Variants in MYO15A observed in about 807,000 individuals in gnomAD.
MYO15A encodes the protein unconventional myosin-XV.
A neutral mutation model predicts 394.6 loss-of-function variants in MYO15A; 308 were observed. That is an observed-to-expected ratio of 0.78 (90% CI 0.71 to 0.86). The LOEUF (loss-of-function observed/expected upper bound fraction) is 0.86. MYO15A is among the 40% of genes least tolerant of loss of function. MYO15A has a pLI of 0.00. For synonymous variants in MYO15A, 1,957 were observed against 2,003.8 expected, an observed-to-expected ratio of 0.98 and a Z score of 0.62; for missense variants, 4,606 against 4,799.1, an observed-to-expected ratio of 0.96 and a Z score of 1.19.
intron 60 of MYO15A, 69 bp downstream of exon 60, chr17:18,163,907 T>A (rs1276972151): frequency 1.3e-6 from 2 of 1,516,034 alleles, no homozygotes; most frequent in Non-Finnish European, 9.0e-7. Context: ...TGTGGGGCCC[T>A]CCACCCAGAT....
At position 18,156,203 on chromosome 17, in the gene MYO15A, A is replaced by G. The variant is rs1567656760; in HGVS notation, c.8468A>G (p.Asp2823Gly). 3.7e-6 allele frequency: 6 copies of G among 1,614,088 alleles called. No homozygotes were observed. Among genetic ancestry groups the G allele is most frequent in the African/African-American group, 1.3e-5 (1 of 75,022 alleles). The change falls in exon 48 of 66, where the codon GAT (aspartate) becomes GGT (glycine). Residue 2823 changes from aspartate (D) to glycine (G), a missense_variant. Around this residue, in one of 2 missense-constraint regions of MYO15A, gnomAD observed 2,776 missense variants for 3,109.3 expected, o/e 0.89. Transcript: ENST00000647165. ...ACCGGCCCATCCTCCAGCTTTGCAG[A>G]TATCCTGTTTGTGACCATGCCCTCC... ...LRVLRAYSFA[D>G]ILFVTMPSQN... is the part of the protein sequence containing the mutation.
chr17:18,137,310 G>A (rs1027944458), intron 15 of MYO15A, among the ~76,000 whole-genome samples: 1 of 152,216 alleles, frequency 6.6e-6, no homozygotes, highest in Admixed American at 6.5e-5. Flanking sequence ...CTGAGGCATG[G>A]GGCTGTTATT....
intron 62 of MYO15A, among the ~76,000 whole-genome samples, chr17:18,171,356 A>T (rs1453297791): frequency 6.6e-6 from 1 of 152,066 alleles, no homozygotes; most frequent in Non-Finnish European, 1.5e-5. Context: ...CCGCTAACTC[A>T]CTCAGTCACT....
In MYO15A at chr17:18,121,794, T is replaced by C; in HGVS notation, c.2994T>C (p.Pro998=). 6.2e-6 allele frequency: 10 copies of C among 1,612,640 alleles called. No individual in the cohort carries two copies. The highest frequency in any genetic ancestry group is 8.5e-6 in the Non-Finnish European group (10 of 1,179,870). ...VFLGRHHEPG[P]GQLTKSAGPT... ...TGGGCAGACACCATGAGCCGGGGCC[T>C]GGACAGCTCACCAAATCAGCTGGCC... Residue 998 remains proline, a synonymous_variant, in exon 2 of 66, where the codon CCT becomes CCC. Transcript: ENST00000647165. The surrounding 1 kb of genome is among the most constrained non-coding windows in gnomAD (Gnocchi z 5.3).
Position 18,119,139 on chromosome 17 carries a change from C to T in MYO15A, c.339C>T (p.Gly113=), listed in dbSNP as rs1474832309. ...CCTTCATGGTGATCCGCTTCCCAGG[C>T]CGCCGTGGCTACGGCCGCCTGCGGC... ...KPSFMVIRFP[G]RRGYGRLRPR... The change falls in exon 2 of 66, where the codon GGC becomes GGT. Residue 113 remains glycine, a synonymous_variant. Coordinates refer to ENST00000647165, the MANE Select transcript of MYO15A (RefSeq NM_016239.4). The T allele has an allele frequency of 6.2e-7, 1 of 1,612,048 alleles. No individual in the cohort carries two copies. Among genetic ancestry groups the T allele is most frequent in the Non-Finnish European group, 8.5e-7 (1 of 1,179,648 alleles).
chr17:18,168,347 T>C (rs2046886154), intron 62 of MYO15A, among the ~76,000 whole-genome samples: 3 of 151,618 alleles, frequency 2.0e-5, no homozygotes. Context: ...GAGCGGATCA[T>C]GAGGTCAGGA....
At chr17:18,127,289 G>T in intron 7 of MYO15A, 124 bp downstream of exon 7, 1 of 1,226,084 alleles carries the variant, frequency 8.2e-7, no homozygotes, top group East Asian at 2.5e-5. Flanking sequence ...GTTCCAGAAG[G>T]GGGCCTTGCC....
At chr17:18,139,483 A>G (rs1000675399) in intron 18 of MYO15A, 51 bp from the exon 19 acceptor site, 5 of 1,571,524 alleles carry the variant, frequency 3.2e-6, no homozygotes. Flanking sequence ...CTCCTAGGAT[A>G]GACAGAGAGA....
At position 18,157,212 on chromosome 17, in the gene MYO15A, C is replaced by G; in HGVS notation, c.8770C>G (p.Arg2924Gly). 6.2e-7 allele frequency: 1 copy of G among 1,607,902 alleles called. No homozygotes were observed. Among genetic ancestry groups the G allele is most frequent in the Non-Finnish European group, 8.5e-7 (1 of 1,177,140 alleles). ...RKVVYLEELR[R>G]RGPDFGWRFG... ...GGTGGTGTACCTGGAGGAGCTGCGACGTAGAGGCCCCGACTTTGGTGTGTG... is the reference window on the plus strand; with the variant it reads ...GGTGGTGTACCTGGAGGAGCTGCGAGGTAGAGGCCCCGACTTTGGTGTGTG... Residue 2924 changes from arginine (R) to glycine (G), a missense_variant, in exon 50 of 66, where the codon CGT (arginine) becomes GGT (glycine). This residue lies in a region of MYO15A where 2,776 missense variants were observed against 3,109.3 expected (regional missense o/e 0.89). Coordinates refer to ENST00000647165, the MANE Select transcript of MYO15A (RefSeq NM_016239.4).
chr17:18,149,284 C>T lies in MYO15A; in HGVS notation c.7025C>T (p.Pro2342Leu). Residue 2342 changes from proline to leucine, a missense_variant, in exon 34 of 66, where the codon CCC (proline) becomes CTC (leucine). Pro to Leu is a moderately conservative substitution (Grantham distance 98). Around this residue, in one of 2 missense-constraint regions of MYO15A, gnomAD observed 2,776 missense variants for 3,109.3 expected, o/e 0.89. Coordinates refer to ENST00000647165, the MANE Select transcript of MYO15A (RefSeq NM_016239.4). ...AGACCCCAGCCCCAGGAGCACATGC[C>T]CAAAGTACTTGACTCTGATGGGTAC... ...STRPQPQEHMPKVLDSDGYSS... is the reference protein window; with the variant it reads ...STRPQPQEHMLKVLDSDGYSS... 6.2e-7 allele frequency: 1 copy of T among 1,613,866 alleles called. No individual in the cohort carries two copies. Among genetic ancestry groups the T allele is most frequent in the Non-Finnish European group, 8.5e-7 (1 of 1,179,922 alleles).
chr17:18,157,960 A>G, intron 51 of MYO15A, 60 bp downstream of exon 51: 1 of 1,442,362 alleles, frequency 6.9e-7, no homozygotes, highest in Non-Finnish European at 9.1e-7. Flanking sequence ...CCGCTGCAGA[A>G]GGGGTGAGGC....
chr17:18,171,759 G>A lies in MYO15A; in HGVS notation c.10204G>A (p.Ala3402Thr). 6.2e-7 allele frequency: 1 copy of A among 1,610,128 alleles called. No homozygotes were observed. The highest frequency in any genetic ancestry group is 8.5e-7 in the Non-Finnish European group (1 of 1,179,866). Residue 3402 changes from alanine to threonine, a missense_variant, in exon 63 of 66, where the codon GCC (alanine) becomes ACC (threonine). Around this residue, in one of 2 missense-constraint regions of MYO15A, gnomAD observed 2,776 missense variants for 3,109.3 expected, o/e 0.89. Transcript: ENST00000647165. ...TQALSPHQARAQFLGLLSALP... is the reference protein window; with the variant it reads ...TQALSPHQARTQFLGLLSALP... ...GGCGCTCAGCCCCCACCAGGCCCGT[G>A]CCCAGTTTCTGGGTAAGAGCTGCAG...
intron 65 of MYO15A, chr17:18,177,721 A>C (rs2047033688): frequency 6.6e-6 from 1 of 152,220 alleles, no homozygotes; most frequent in Admixed American, 6.5e-5. Context: ...GTGGAATGGG[A>C]TATAATAGCT....
At chr17:18,171,449 G>A (rs114369331) in intron 62 of MYO15A, among the ~76,000 whole-genome samples, 189 bp from the exon 63 acceptor site, 154 of 152,254 alleles carry the variant, frequency 1.0e-3, no homozygotes, top group African/African-American at 3.5e-3. Context: ...TACTGGCCCC[G>A]GCCATGATTA....
At chr17:18,140,883 G>C (rs1209254739) in intron 21 of MYO15A, 51 bp downstream of exon 21, 1 of 1,613,368 alleles carries the variant, frequency 6.2e-7, no homozygotes, top group Admixed American at 1.7e-5. Flanking sequence ...TGCCCATGCT[G>C]TGTGACCTTG....
chr17:18,112,110 C>CT (rs1287030950), intron 1 of MYO15A, among the ~76,000 whole-genome samples: 35 of 152,366 alleles, frequency 2.3e-4, no homozygotes, highest in African/African-American at 8.2e-4. Context: ...AGCCTTTCTT[C>CT]TGGACAGACA....
Position 18,152,095 on chromosome 17 carries a change from T to C in MYO15A, c.7894-17T>C, listed in dbSNP as rs746361573. The C allele has an allele frequency of 2.0e-5, 31 of 1,551,180 alleles. 1 individual carries two copies. In the South Asian group the frequency reaches 3.6e-4, roughly 18 times the overall value. ...CCTGCCTGTTGCCCCCTGAGCAGTC[T>C]CTTTGGGGTGGGACAGGTGTCCAGA... On this transcript the variant is annotated splice_polypyrimidine_tract_variant and intron_variant, in intron 41 of 65. Coordinates refer to ENST00000647165, the MANE Select transcript of MYO15A (RefSeq NM_016239.4).
intron 18 of MYO15A, chr17:18,139,205 ACATCACTATGGTCACCCT>A: frequency 8.0e-6 from 5 of 621,964 alleles, no homozygotes; most frequent in Non-Finnish European, 1.5e-5. Context: ...ATCAATAGTG[ACATCACTATGGTCACCCT>A]CATCACTATT....
intron 20 of MYO15A, 58 bp downstream of exon 20, chr17:18,140,723 C>T (rs1388824485): frequency 6.2e-7 from 1 of 1,613,976 alleles, no homozygotes; most frequent in African/African-American, 1.3e-5. Flanking sequence ...CACCTCATGA[C>T]CCTCAGAGGT....
Sources: gnomAD v4.1 joint callset for allele counts (sites outside exome capture counted in the v4.1 genomes callset) on GRCh38, gnomAD v4.1.1 for gene constraint, gnomAD v4.1.1 regional missense constraint, Gnocchi (gnomAD v3.1) non-coding constraint, MANE v1.5 for transcripts, NCBI Gene and HGNC (gene_info 2026-07-23, HGNC 2026-07-21) for gene names.